Variants in PIWIL1 observed in about 807,000 individuals in gnomAD.
The protein encoded by PIWIL1 is piwi like RNA-mediated gene silencing 1.
PIWIL1 carries 73 observed loss-of-function variants against 114.4 expected under a neutral mutation model. That is an observed-to-expected ratio of 0.64 (90% CI 0.53 to 0.78). PIWIL1 has a LOEUF of 0.78. PIWIL1 is among the 30% of genes least tolerant of loss of function. The pLI is 0.00. For missense variants in PIWIL1, 723 were observed against 1,063.1 expected (o/e 0.68, Z 4.45); for synonymous variants, 375 against 369.0 (o/e 1.02, Z -0.19).
chr12:130,355,594 G>A lies in PIWIL1; in HGVS notation c.1331G>A (p.Ser444Asn). The A allele has an allele frequency of 6.2e-7, 1 of 1,614,204 alleles. No individual in the cohort carries two copies. Among genetic ancestry groups the A allele is most frequent in the Non-Finnish European group, 8.5e-7 (1 of 1,179,998 alleles). Residue 444 changes from serine to asparagine, a missense_variant, in exon 12 of 21, where the codon AGC becomes AAC. This residue lies in a region of PIWIL1 where 298 missense variants were observed against 420.8 expected (regional missense o/e 0.71). Coordinates refer to ENST00000245255, the MANE Select transcript of PIWIL1 (RefSeq NM_004764.5). ...AGGGAGCTTCGAGACTGGGGTTTGA[G>A]CTTTGATTCCAACTTACTGTCCTTC... ...VQRELRDWGL[S>N]FDSNLLSFSG...
the PIWIL1 span, among the ~76,000 whole-genome samples, chr12:130,394,993 G>T: frequency 2.6e-5 from 4 of 152,272 alleles, no homozygotes; most frequent in African/African-American, 7.2e-5. Context: ...TGAATCGAAA[G>T]AATCACTTGT....
intron 1 of PIWIL1, among the ~76,000 whole-genome samples, chr12:130,341,617 G>A (rs1409675670): frequency 6.6e-6 from 1 of 152,228 alleles, no homozygotes; most frequent in Non-Finnish European, 1.5e-5. Flanking sequence ...GCTCACTAGA[G>A]GCCAGTGTGA....
the PIWIL1 span, among the ~76,000 whole-genome samples, chr12:130,389,437 T>A: frequency 6.6e-6 from 1 of 152,074 alleles, no homozygotes; most frequent in Admixed American, 6.5e-5. Flanking sequence ...TGGAAAAAAA[T>A]TTAACTATTA....
chr12:130,369,807 T>G (rs1232602806), intron 19 of PIWIL1, among the ~76,000 whole-genome samples: 2 of 152,196 alleles, frequency 1.3e-5, no homozygotes, highest in Non-Finnish European at 2.9e-5. Flanking sequence ...ATGGGTAGAT[T>G]GCAAAAATTT....
At chr12:130,378,230 C>A in the PIWIL1 span, among the ~76,000 whole-genome samples, 1 of 152,068 alleles carries the variant, frequency 6.6e-6, no homozygotes, top group Non-Finnish European at 1.5e-5. Context: ...CCTGGAGAAC[C>A]GGGTAGCATG....
At chr12:130,358,503 C>G (rs920317918) in intron 14 of PIWIL1, among the ~76,000 whole-genome samples, 1 of 151,954 alleles carries the variant, frequency 6.6e-6, no homozygotes, top group African/African-American at 2.4e-5. Flanking sequence ...AGTAGTGAAC[C>G]CTCACAGCAC....
chr12:130,355,483 A>G (rs1429751741), intron 11 of PIWIL1, 70 bp from the exon 12 acceptor site: 4 of 1,134,822 alleles, frequency 3.5e-6, no homozygotes, highest in Admixed American at 3.4e-5. Context: ...GCTGGAGTGG[A>G]TATCTGTTTG....
chr12:130,406,393 G>A, the PIWIL1 span: 3 of 592,834 alleles, frequency 5.1e-6, no homozygotes, highest in Admixed American at 6.8e-5. Flanking sequence ...GCTAATGAAT[G>A]GCTCTGTCCA....
At chr12:130,341,907 A>G (rs1202473164) in intron 1 of PIWIL1, among the ~76,000 whole-genome samples, 2 of 152,210 alleles carry the variant, frequency 1.3e-5, no homozygotes, top group Non-Finnish European at 2.9e-5. Flanking sequence ...CGGTCCTGGC[A>G]GATGTAGGAG....
At chr12:130,423,998 G>A in the PIWIL1 span, 1 of 431,114 alleles carries the variant, frequency 2.3e-6, no homozygotes, top group Non-Finnish European at 3.9e-6. Context: ...AATCGGACTT[G>A]AGAAATCAAA....
Position 130,342,605 on chromosome 12 carries a change from C to A in PIWIL1, c.14C>A (p.Ala5Asp). ...AAATAGAAAACAATGACTGGGAGAG[C>A]CCGAGCCAGAGCCAGAGGAAGGGCC... MTGR[A>D]RARARGRARG... The change falls in exon 2 of 21, where the codon GCC (alanine) becomes GAC (aspartate). Residue 5 changes from alanine to aspartate, a missense_variant. Physicochemically the swap from Ala to Asp is moderately radical, Grantham distance 126. Around this residue, in one of 8 missense-constraint regions of PIWIL1, gnomAD observed 91 missense variants for 76.2 expected, o/e 1.19. Transcript: ENST00000245255. 6.2e-7 allele frequency: 1 copy of A among 1,613,224 alleles called. No individual in the cohort carries two copies. Among genetic ancestry groups the A allele is most frequent in the South Asian group, 1.1e-5 (1 of 91,002 alleles).
the PIWIL1 span, among the ~76,000 whole-genome samples, chr12:130,408,290 C>T: frequency 1.3e-4 from 20 of 152,312 alleles, no homozygotes; most frequent in African/African-American, 3.8e-4. Context: ...AAGTCATGCT[C>T]CCCTAAGCAT....
chr12:130,414,479 G>T, the PIWIL1 span: 1 of 593,092 alleles, frequency 1.7e-6, no homozygotes, highest in Non-Finnish European at 2.9e-6. Context: ...CAGATGAATT[G>T]GAGAAGCACA....
intron 1 of PIWIL1, chr12:130,342,155 CGTGTGTGTGTGTGT>C (rs56124149): frequency 3.6e-4 from 49 of 134,986 alleles, no homozygotes; most frequent in African/African-American, 1.0e-3. Flanking sequence ...TGCCTGTTTC[CGTGTGTGTGTGTGT>C]GTGTGTGTGT....
the PIWIL1 span, chr12:130,422,649 C>A: frequency 2.1e-6 from 2 of 954,754 alleles, no homozygotes; most frequent in South Asian, 3.0e-5. This position sits in a 1 kb window ranked among gnomAD's most constrained non-coding sequence, Gnocchi z 5.2. Flanking sequence ...GGTTGAAAAG[C>A]AGAATCTGTA....
chr12:130,342,645 A>T lies in PIWIL1; in HGVS notation c.54A>T (p.Thr18=), dbSNP rs753159617. 1 of 1,613,770 alleles carries T rather than the reference A, an allele frequency of 6.2e-7. No individual in the cohort carries two copies. Among genetic ancestry groups the T allele is most frequent in the Non-Finnish European group, 8.5e-7 (1 of 1,179,722 alleles). ...GAGGAAGGGCCCGCGGTCAGGAGAC[A>T]GCGCAGCTGGTGGGCTCCACTGCCG... The part of the protein sequence containing the change: ...RARGRARGQE[T]AQLVGSTASQ... Residue 18 remains threonine, a synonymous_variant, in exon 2 of 21, where the codon ACA becomes ACT. Coordinates refer to ENST00000245255, the MANE Select transcript of PIWIL1 (RefSeq NM_004764.5).
At chr12:130,358,058 C>G (rs1342277152) in intron 14 of PIWIL1, among the ~76,000 whole-genome samples, 2 of 152,194 alleles carry the variant, frequency 1.3e-5, no homozygotes, top group Admixed American at 6.5e-5. Flanking sequence ...CAACCACTCT[C>G]CTAAGCTCTT....
At chr12:130,355,530 A>T (rs750971368) in intron 11 of PIWIL1, 23 bp from the exon 12 acceptor site, 1 of 1,501,064 alleles carries the variant, frequency 6.7e-7, no homozygotes, top group East Asian at 2.3e-5. Context: ...GTTGAGTCGC[A>T]TGTAAATGTG....
At chr12:130,381,685 G>C in the PIWIL1 span, among the ~76,000 whole-genome samples, 24 of 152,360 alleles carry the variant, frequency 1.6e-4, 1 homozygote, top group African/African-American at 5.8e-4. Flanking sequence ...ATACCAAGCA[G>C]TGTGCTTCGT....
Sources: allele counts gnomAD v4.1 joint callset (sites outside exome capture counted in the v4.1 genomes callset), GRCh38; gene constraint gnomAD v4.1.1; regional missense constraint gnomAD v4.1.1; non-coding constraint Gnocchi (gnomAD v3.1); transcripts MANE v1.5; gene names NCBI Gene and HGNC (gene_info 2026-07-23, HGNC 2026-07-21).